The following RAB21 variants were observed in gnomAD, a reference collection of about 807,000 sequenced individuals.
RAB21 encodes the protein RAB21, member RAS oncogene family.
Under a neutral mutation model 33.1 loss-of-function variants are expected in RAB21, and 13 were observed. The observed-to-expected ratio is 0.39, with a 90% CI of 0.26 to 0.62. The LOEUF (loss-of-function observed/expected upper bound fraction) is 0.62. Among genes scored for constraint, RAB21 ranks in the 20% least tolerant of loss-of-function variants. The pLI, the probability that RAB21 is intolerant of heterozygous loss-of-function variation, is 0.48. For synonymous variants in RAB21, 91 were observed against 103.7 expected, an observed-to-expected ratio of 0.88 and a Z score of 0.74; for missense variants, 234 against 279.1, an observed-to-expected ratio of 0.84 and a Z score of 1.15.
intron 3 of RAB21, among the ~76,000 whole-genome samples, chr12:71,773,673 A>C (rs957292891): frequency 1.3e-5 from 2 of 152,122 alleles, no homozygotes; most frequent in Non-Finnish European, 2.9e-5. Context: ...GCTGGAGTTG[A>C]TATGCTTTTG....
intron 3 of RAB21, among the ~76,000 whole-genome samples, chr12:71,772,144 A>G (rs188342552): frequency 6.6e-6 from 1 of 152,316 alleles, no homozygotes; most frequent in East Asian, 1.9e-4. Flanking sequence ...GGAGTCACTC[A>G]TAGAGCTGCA....
chr12:71,777,032 A>C (rs374019928), intron 4 of RAB21, among the ~76,000 whole-genome samples: 2 of 152,236 alleles, frequency 1.3e-5, no homozygotes, highest in Admixed American at 6.5e-5. Flanking sequence ...TTTAGCTGAA[A>C]TCATACTCCC....
At chr12:71,773,879 CAG>C (rs1427697974) in intron 3 of RAB21, 78 bp from the exon 4 acceptor site, 4 of 916,978 alleles carry the variant, frequency 4.4e-6, no homozygotes, top group Non-Finnish European at 6.8e-6. Flanking sequence ...GGTATTTTGA[CAG>C]TGTTGAGTTT....
intron 1 of RAB21, among the ~76,000 whole-genome samples, chr12:71,765,282 T>A (rs1355450263): frequency 1.3e-5 from 2 of 152,192 alleles, no homozygotes; most frequent in Non-Finnish European, 2.9e-5. Context: ...TTCATGTCCT[T>A]TGCCCACTTT....
rs1327769976 is a variant in RAB21, at chr12:71,794,530, G to A, written c.*8857G>A. ...CGGCTCACTGCAAGCTCCGGCTCCCGAGTTCACACCATTCTCCTGCCTCAG... is the reference window on the plus strand; with the variant it reads ...CGGCTCACTGCAAGCTCCGGCTCCCAAGTTCACACCATTCTCCTGCCTCAG... On this transcript the variant is annotated 3_prime_UTR_variant, in exon 7 of 7. Transcript: ENST00000261263. 3 of 129,688 alleles carry A rather than the reference G, an allele frequency of 2.3e-5. No individual in the cohort carries two copies. The highest frequency in any genetic ancestry group is 2.5e-4 in the East Asian group (1 of 4,068). 8.0% of individuals were successfully genotyped at this position (129,688 alleles called of 1,614,324 possible).
At chr12:71,762,338 C>T (rs1467618351) in intron 1 of RAB21, among the ~76,000 whole-genome samples, 1 of 152,116 alleles carries the variant, frequency 6.6e-6, no homozygotes, top group Non-Finnish European at 1.5e-5. Context: ...CGGAGTCTCG[C>T]TCTGTCGCCC....
rs1240857127 is a variant in RAB21, at chr12:71,786,134, C to T, written c.*461C>T. On this transcript the variant is annotated 3_prime_UTR_variant, in exon 7 of 7. Transcript: ENST00000261263. ...GCCAGGATGGTCTCGATCTCCTGACCTTGTGATCCGCCCGCCTCGGCCTCC... is the reference window on the plus strand; with the variant it reads ...GCCAGGATGGTCTCGATCTCCTGACTTTGTGATCCGCCCGCCTCGGCCTCC... 2 of 153,412 alleles carry T rather than the reference C, an allele frequency of 1.3e-5. No individual in the cohort carries two copies. Among genetic ancestry groups the T allele is most frequent in the African/African-American group, 2.4e-5 (1 of 41,420 alleles). The allele number at this position is 153,412 out of a possible 1,614,324, so 9.5% of individuals were successfully genotyped here. A position where few individuals can be genotyped will look rare whatever the true frequency, so the allele number is the denominator to read the frequency against.
chr12:71,762,739 C>T (rs1171723190), intron 1 of RAB21, among the ~76,000 whole-genome samples: 5 of 152,202 alleles, frequency 3.3e-5, no homozygotes, highest in East Asian at 1.9e-4. Flanking sequence ...CCCACCATCA[C>T]GCCTGGCTAA....
intron 1 of RAB21, among the ~76,000 whole-genome samples, chr12:71,756,304 T>C (rs772093738): frequency 2.6e-5 from 4 of 152,182 alleles, no homozygotes; most frequent in African/African-American, 4.8e-5. Flanking sequence ...ATCTAGCTCA[T>C]AGGGTTGTCA....
At chr12:71,769,478 C>T (rs937098636) in intron 1 of RAB21, among the ~76,000 whole-genome samples, 1 of 152,086 alleles carries the variant, frequency 6.6e-6, no homozygotes, top group African/African-American at 2.4e-5. Context: ...TAGACTCTTT[C>T]TTTCTGTGAT....
At chr12:71,775,235 G>A (rs1220158500) in intron 4 of RAB21, among the ~76,000 whole-genome samples, 2 of 152,294 alleles carry the variant, frequency 1.3e-5, no homozygotes, top group African/African-American at 4.8e-5. Flanking sequence ...ATTATCTCAT[G>A]TAATCCTCAT....
At chr12:71,773,027 G>A (rs1883066782) in intron 3 of RAB21, among the ~76,000 whole-genome samples, 1 of 152,164 alleles carries the variant, frequency 6.6e-6, no homozygotes, top group Non-Finnish European at 1.5e-5. Context: ...AGATATATGT[G>A]TATTTTTTCA....
At chr12:71,779,836 C>T (rs770514526) in intron 4 of RAB21, among the ~76,000 whole-genome samples, 3 of 152,030 alleles carry the variant, frequency 2.0e-5, no homozygotes, top group African/African-American at 4.8e-5. Flanking sequence ...CAGAAAGTTC[C>T]GTATGTAGCT....
At chr12:71,758,109 T>C (rs1484213294) in intron 1 of RAB21, among the ~76,000 whole-genome samples, 3 of 152,092 alleles carry the variant, frequency 2.0e-5, no homozygotes, top group Non-Finnish European at 4.4e-5. Flanking sequence ...CTCGGCTCAT[T>C]GCAACCTCTG....
Position 71,785,570 on chromosome 12 carries a change from G to A in RAB21, c.575G>A (p.Gly192Asp), listed in dbSNP as rs1046096931. The change falls in exon 7 of 7, where the codon GGC becomes GAC. Residue 192 changes from glycine to aspartate, a missense_variant. Coordinates refer to ENST00000261263, the MANE Select transcript of RAB21 (RefSeq NM_014999.4). ...ETAQVDERAK[G>D]NGSSQPGTAR... is the part of the protein sequence containing the mutation. The stretch of plus-strand genomic sequence containing the variant: ...GCACAAGTGGATGAGAGAGCAAAAG[G>A]CAATGGCTCTAGTCAGCCGGGAACT... The A allele has an allele frequency of 7.4e-6, 12 of 1,614,036 alleles. No individual in the cohort carries two copies. The highest frequency in any genetic ancestry group is 1.3e-5 in the African/African-American group (1 of 74,928).
chr12:71,780,505 A>C (rs1477765382), intron 4 of RAB21, among the ~76,000 whole-genome samples: 2 of 152,222 alleles, frequency 1.3e-5, no homozygotes, highest in Non-Finnish European at 2.9e-5. Context: ...TTCCAATGAC[A>C]AATATAATGT....
At chr12:71,772,095 G>A (rs1373940144) in intron 3 of RAB21, among the ~76,000 whole-genome samples, 1 of 152,090 alleles carries the variant, frequency 6.6e-6, no homozygotes, top group African/African-American at 2.4e-5. Flanking sequence ...TGATTCTGTG[G>A]GTTGACCAGG....
chr12:71,771,484 G>A (rs1420767830), intron 3 of RAB21, among the ~76,000 whole-genome samples: 1 of 151,844 alleles, frequency 6.6e-6, no homozygotes. Flanking sequence ...TTTTTTCCCA[G>A]TTAAATCTGA....
intron 6 of RAB21, among the ~76,000 whole-genome samples, chr12:71,784,802 A>G (rs1396257639): frequency 6.6e-6 from 1 of 152,132 alleles, no homozygotes; most frequent in Non-Finnish European, 1.5e-5. Flanking sequence ...TTCTTCAAAT[A>G]TCGCTGTGGT....
Sources: allele counts gnomAD v4.1 joint callset (sites outside exome capture counted in the v4.1 genomes callset), GRCh38; gene constraint gnomAD v4.1.1; transcripts MANE v1.5; gene names NCBI Gene and HGNC (gene_info 2026-07-23, HGNC 2026-07-21).